Variants in PAPPA2 observed in about 807,000 individuals in gnomAD.
PAPPA2 encodes the protein pappalysin-2.
Under a neutral mutation model 176.4 loss-of-function variants are expected in PAPPA2, and 86 were observed. That is an observed-to-expected ratio of 0.49 (90% CI 0.41 to 0.58). PAPPA2 has a LOEUF of 0.58. Ranked by LOEUF, PAPPA2 falls within the 20% of genes least tolerant of loss-of-function variation. PAPPA2 has a pLI of 0.00. For synonymous variants in PAPPA2, 809 were observed against 852.2 expected (o/e 0.95, Z 0.88); for missense variants, 2,073 against 2,256.9 (o/e 0.92, Z 1.65).
intron 21 of PAPPA2, among the ~76,000 whole-genome samples, chr1:176,811,962 A>G (rs1475887422): frequency 6.6e-6 from 1 of 152,096 alleles, no homozygotes; most frequent in African/African-American, 2.4e-5. Flanking sequence ...AAGCACAACC[A>G]ACCGTCCAAA....
At chr1:176,513,092 T>A (rs1488144412) in intron 1 of PAPPA2, among the ~76,000 whole-genome samples, 1 of 152,146 alleles carries the variant, frequency 6.6e-6, no homozygotes, top group African/African-American at 2.4e-5. Flanking sequence ...AAATCAGCTC[T>A]CCTGGGCCTG....
intron 4 of PAPPA2, among the ~76,000 whole-genome samples, chr1:176,683,007 G>GCTAT (rs2102793285): frequency 7.4e-6 from 1 of 134,978 alleles, no homozygotes; most frequent in African/African-American, 2.7e-5. Context: ...GTTGCCCAAA[G>GCTAT]CTATTTATTT....
chr1:176,477,422 C>T (rs1652178720), intron 1 of PAPPA2, among the ~76,000 whole-genome samples: 1 of 152,196 alleles, frequency 6.6e-6, no homozygotes, highest in African/African-American at 2.4e-5. Context: ...ATGTGATATA[C>T]TCCGTTCTCT....
chr1:176,563,797 T>C (rs1200349512), intron 2 of PAPPA2, among the ~76,000 whole-genome samples: 1 of 152,214 alleles, frequency 6.6e-6, no homozygotes, highest in African/African-American at 2.4e-5. Flanking sequence ...CCCCAGGCGC[T>C]GTGCTCTGAA....
At chr1:176,737,787 G>A (rs914546428) in intron 12 of PAPPA2, among the ~76,000 whole-genome samples, 2 of 152,094 alleles carry the variant, frequency 1.3e-5, no homozygotes, top group East Asian at 3.9e-4. Flanking sequence ...TAGGTTGGAG[G>A]TTTAGGCAGC....
Position 176,594,859 on chromosome 1 carries a change from T to C in PAPPA2, c.1255T>C (p.Phe419Leu). The C allele has an allele frequency of 6.2e-7, 1 of 1,614,220 alleles. No individual in the cohort carries two copies. The highest frequency in any genetic ancestry group is 8.5e-7 in the Non-Finnish European group (1 of 1,180,030). Residue 419 changes from phenylalanine to leucine, a missense_variant, in exon 3 of 23, where the codon TTC (phenylalanine) becomes CTC (leucine). Transcript: ENST00000367662. Reference protein sequence around the residue: ...GGDSSEDGHYFRGHLGTLVFW... With the variant: ...GGDSSEDGHYLRGHLGTLVFW... ...AGACAGCTCTGAGGATGGGCACTAT[T>C]TCCGTGGACACCTGGGCACACTGGT...
chr1:176,669,920 G>A (rs1008697462), intron 3 of PAPPA2, among the ~76,000 whole-genome samples: 6 of 152,114 alleles, frequency 3.9e-5, no homozygotes, highest in Non-Finnish European at 5.9e-5. Flanking sequence ...TACTAGAATA[G>A]CATCAACAAA....
intron 1 of PAPPA2, among the ~76,000 whole-genome samples, chr1:176,546,714 T>C (rs1650656627): frequency 1.3e-5 from 2 of 152,186 alleles, no homozygotes; most frequent in South Asian, 4.1e-4. Flanking sequence ...AAATTGATTT[T>C]AGTGAAATAA....
chr1:176,644,760 G>A (rs917160721), intron 3 of PAPPA2, among the ~76,000 whole-genome samples: 1 of 151,736 alleles, frequency 6.6e-6, no homozygotes, highest in Non-Finnish European at 1.5e-5. Context: ...CTCAAAGATT[G>A]GGGTGGATTT....
intron 12 of PAPPA2, among the ~76,000 whole-genome samples, chr1:176,724,245 C>G (rs766087753): frequency 1.3e-5 from 2 of 152,090 alleles, no homozygotes; most frequent in Non-Finnish European, 2.9e-5. Context: ...CTTCTAAATT[C>G]TTGAAAGACT....
At chr1:176,812,298 C>T (rs1045729778) in intron 21 of PAPPA2, among the ~76,000 whole-genome samples, 1 of 151,846 alleles carries the variant, frequency 6.6e-6, no homozygotes, top group African/African-American at 2.4e-5. Flanking sequence ...ATATTACTCG[C>T]CTGCAGAATT....
At chr1:176,681,148 C>T (rs892305334) in intron 4 of PAPPA2, among the ~76,000 whole-genome samples, 2 of 152,094 alleles carry the variant, frequency 1.3e-5, no homozygotes, top group Non-Finnish European at 2.9e-5. Context: ...GAGAAAGTCC[C>T]CTGGGGTCCA....
intron 2 of PAPPA2, among the ~76,000 whole-genome samples, chr1:176,571,277 C>T (rs1375535237): frequency 6.6e-6 from 1 of 152,198 alleles, no homozygotes. Flanking sequence ...TCCACCTCCT[C>T]ATCCATTTAA....
chr1:176,710,234 C>G, intron 11 of PAPPA2, 58 bp downstream of exon 11: 2 of 1,465,206 alleles, frequency 1.4e-6, no homozygotes, highest in East Asian at 4.5e-5. Context: ...GTGACTCCCC[C>G]TATGCTTACA....
intron 21 of PAPPA2, chr1:176,836,764 G>T (rs1353754042): frequency 6.6e-6 from 1 of 151,790 alleles, no homozygotes; most frequent in African/African-American, 2.4e-5. Flanking sequence ...TTTAACTCCT[G>T]TTCACATCTT....
chr1:176,517,038 T>C (rs1291536178), intron 1 of PAPPA2, among the ~76,000 whole-genome samples: 1 of 152,226 alleles, frequency 6.6e-6, no homozygotes, highest in Non-Finnish European at 1.5e-5. Flanking sequence ...AATTTCAATG[T>C]GACCAATTTA....
intron 20 of PAPPA2, among the ~76,000 whole-genome samples, chr1:176,794,102 T>C (rs962934363): frequency 2.0e-5 from 3 of 152,222 alleles, no homozygotes; most frequent in African/African-American, 7.2e-5. Flanking sequence ...CAGAGTTTAT[T>C]TGCCTTGCTC....
intron 9 of PAPPA2, 26 bp downstream of exon 9, chr1:176,702,761 G>A (rs764499121): frequency 6.4e-7 from 1 of 1,570,092 alleles, no homozygotes; most frequent in Non-Finnish European, 8.7e-7. Flanking sequence ...GTGTGTGTGT[G>A]TGTGTGTGTG....
At chr1:176,629,336 T>C (rs1488666917) in intron 3 of PAPPA2, among the ~76,000 whole-genome samples, 1 of 152,186 alleles carries the variant, frequency 6.6e-6, no homozygotes, top group African/African-American at 2.4e-5. Context: ...GATATCCAAG[T>C]GAGTGACCAC....
Sources: gnomAD v4.1 joint callset for allele counts (sites outside exome capture counted in the v4.1 genomes callset) on GRCh38, gnomAD v4.1.1 for gene constraint, MANE v1.5 for transcripts, NCBI Gene and HGNC (gene_info 2026-07-23, HGNC 2026-07-21) for gene names.